Variants in ZNF354C observed in about 807,000 individuals in gnomAD.
ZNF354C encodes the protein zinc finger protein 354C, also known as KRAB-zinc finger protein synten.
A neutral mutation model predicts 12.4 loss-of-function variants in ZNF354C; 7 were observed. That is an observed-to-expected ratio of 0.56 (90% CI 0.32 to 1.06). The LOEUF is 1.06. ZNF354C is among the 50% of genes least tolerant of loss of function. The pLI, the probability that ZNF354C is intolerant of heterozygous loss-of-function variation, is 0.04. For missense variants in ZNF354C, 609 were observed against 658.0 expected (o/e 0.93, Z 0.81); for synonymous variants, 202 against 224.5 (o/e 0.90, Z 0.90).
Position 179,076,491 on chromosome 5 carries a change from AG to A in ZNF354C, c.75del (p.Glu25AspfsTer16). ...RDVAVFFSQD[E>X]WLHLDSAQRA... ...GTGGCCGTGTTCTTCAGCCAGGACG[AG>A]TGGTTGCACCTGGACTCTGCCCAGA... On this transcript the variant is annotated frameshift_variant, in exon 3 of 5. Transcript: ENST00000315475. LOFTEE classifies it high-confidence loss of function. 6.2e-7 allele frequency: 1 copy of A among 1,614,202 alleles called. No homozygotes were observed. The highest frequency in any genetic ancestry group is 2.2e-5 in the East Asian group (1 of 44,876).
Position 179,077,121 on chromosome 5 carries a change from GATCCC to G in ZNF354C, c.206_210del (p.Asp69ValfsTer20). The G allele has an allele frequency of 6.2e-7, 1 of 1,614,226 alleles. No homozygotes were observed. The highest frequency in any genetic ancestry group is 8.5e-7 in the Non-Finnish European group (1 of 1,180,040). ...GATTCATCAGTTGCAGCAAGGAGAA[GATCCC>G]TGCATGGTGGAAAGAGAAGTCCCTT... On this transcript the variant is annotated frameshift_variant, in exon 4 of 5. Transcript: ENST00000315475. LOFTEE classifies it low-confidence loss of function (END_TRUNC).
rs916308691 is a variant in ZNF354C, at chr5:179,062,005, T to G, written c.-54-10T>G. ...GCCAGGGTTCCTCTTGACACCTTTT[T>G]CCTCTGCAGACCCACCGTGTCCACA... On this transcript the variant is annotated splice_polypyrimidine_tract_variant and intron_variant, in intron 1 of 4. Coordinates refer to ENST00000315475, the MANE Select transcript of ZNF354C (RefSeq NM_014594.3). The G allele has an allele frequency of 6.3e-7, 1 of 1,594,116 alleles. No individual in the cohort carries two copies. The highest frequency in any genetic ancestry group is 8.6e-7 in the Non-Finnish European group (1 of 1,162,124).
Position 179,082,821 on chromosome 5 carries a change from G to A in ZNF354C, c.*2724G>A. ...CTTCAAGCGACTGACCAACCGATCA[G>A]GTCGAGGAGCTGCAACAGCCTTGGG... On this transcript the variant is annotated 3_prime_UTR_variant, in exon 5 of 5. Transcript: ENST00000315475. 1 of 1,312,790 alleles carries A rather than the reference G, an allele frequency of 7.6e-7. No homozygotes were observed. The highest frequency in any genetic ancestry group is 1.1e-6 in the Non-Finnish European group (1 of 906,506). The allele number at this position is 1,312,790 out of a possible 1,614,324, so 81.3% of individuals were successfully genotyped here. A position where few individuals can be genotyped will look rare whatever the true frequency, so the allele number is the denominator to read the frequency against.
At chr5:179,072,374 C>A (rs1762063301) in intron 2 of ZNF354C, among the ~76,000 whole-genome samples, 1 of 151,506 alleles carries the variant, frequency 6.6e-6, no homozygotes, top group Non-Finnish European at 1.5e-5. Context: ...GGTAGATTGA[C>A]AGAAATTATC....
intron 2 of ZNF354C, among the ~76,000 whole-genome samples, chr5:179,075,692 A>G (rs192888901): frequency 4.6e-5 from 7 of 152,266 alleles, no homozygotes; most frequent in Admixed American, 4.6e-4. Context: ...ACAAATATAG[A>G]TTCTTTTGTG....
At chr5:179,063,587 C>T (rs540814081) in intron 2 of ZNF354C, among the ~76,000 whole-genome samples, 25 of 152,310 alleles carry the variant, frequency 1.6e-4, no homozygotes, top group Non-Finnish European at 3.1e-4. Flanking sequence ...GTAGTAATTA[C>T]AAGCATATTT....
At chr5:179,064,455 C>A (rs531375135) in intron 2 of ZNF354C, among the ~76,000 whole-genome samples, 10 of 151,768 alleles carry the variant, frequency 6.6e-5, no homozygotes, top group Admixed American at 2.0e-4. Context: ...CTTGCTCAGT[C>A]GCCCAGGCTG....
intron 4 of ZNF354C, among the ~76,000 whole-genome samples, chr5:179,077,898 C>T (rs1383077521): frequency 1.3e-5 from 2 of 151,644 alleles, no homozygotes; most frequent in Admixed American, 6.6e-5. Flanking sequence ...CTCCACCTCC[C>T]AGGCTCAAGC....
chr5:179,075,050 A>C lies in ZNF354C; in HGVS notation c.28-1395A>C, dbSNP rs140010031. On this transcript the variant is annotated intron_variant, in intron 2 of 4. Coordinates refer to ENST00000315475, the MANE Select transcript of ZNF354C (RefSeq NM_014594.3). ...AGGCAGGAGGTGGATCATGAGGTCAAGAGATCAGACCATCCTGGCCAACAT... is the reference window on the plus strand; with the variant it reads ...AGGCAGGAGGTGGATCATGAGGTCACGAGATCAGACCATCCTGGCCAACAT... Among the ~76,000 whole-genome samples, 1,297 of 151,768 alleles carry C rather than the reference A, an allele frequency of 8.5e-3. 42 individuals are homozygous for C. Among genetic ancestry groups the C allele is most frequent in the East Asian group, 0.079 (406 of 5,126 alleles).
At chr5:179,075,983 T>C (rs1229848870) in intron 2 of ZNF354C, among the ~76,000 whole-genome samples, 1 of 152,274 alleles carries the variant, frequency 6.6e-6, no homozygotes, top group Non-Finnish European at 1.5e-5. Flanking sequence ...AATTCAGTTT[T>C]ACTGGCTTGA....
At chr5:179,061,442 T>C (rs890293839) in intron 1 of ZNF354C, among the ~76,000 whole-genome samples, 32 of 152,238 alleles carry the variant, frequency 2.1e-4, no homozygotes, top group African/African-American at 7.5e-4. Context: ...CTTAATCCTG[T>C]TACCTTGGGT....
intron 2 of ZNF354C, among the ~76,000 whole-genome samples, chr5:179,074,865 T>C (rs948159662): frequency 2.6e-5 from 4 of 152,228 alleles, no homozygotes; most frequent in African/African-American, 9.7e-5. Context: ...TGAAACGATA[T>C]ATTAGCTCTA....
chr5:179,078,276 A>G lies in ZNF354C; in HGVS notation c.251-407A>G, dbSNP rs186394084. Among the ~76,000 whole-genome samples the G allele has an allele frequency of 2.3e-4, 35 of 152,348 alleles. No homozygotes were observed. In the East Asian group the frequency reaches 6.2e-3, roughly 27 times the overall value. ...TGAAAGGGACATGTGAGTAAGAAGG[A>G]GAAGGTGGACAGGCTGCCTACTTCA... On this transcript the variant is annotated intron_variant, in intron 4 of 4. Transcript: ENST00000315475.
intron 3 of ZNF354C, 21 bp downstream of exon 3, chr5:179,076,592 C>T (rs147567522): frequency 3.4e-5 from 55 of 1,613,134 alleles, no homozygotes; most frequent in African/African-American, 1.6e-4. Flanking sequence ...TTGCCTATGA[C>T]GAAGAATCTG....
In ZNF354C at chr5:179,079,598, G is replaced by T. The variant is rs771712887; in HGVS notation, c.1166G>T (p.Cys389Phe). The T allele has an allele frequency of 1.2e-6, 2 of 1,614,182 alleles. No individual in the cohort carries two copies. Among genetic ancestry groups the T allele is most frequent in the Admixed American group, 3.3e-5 (2 of 60,026 alleles). Residue 389 changes from cysteine to phenylalanine, a missense_variant, in exon 5 of 5, where the codon TGT (cysteine) becomes TTT (phenylalanine). Coordinates refer to ENST00000315475, the MANE Select transcript of ZNF354C (RefSeq NM_014594.3). The surrounding 1 kb of genome is among the most constrained non-coding windows in gnomAD (Gnocchi z 4.2). ...GAACAACTGTATACATGCTTGGAAT[G>T]TGGGAGAACCTTCACACGTATTGTA... Reference protein sequence around the residue: ...TGEQLYTCLECGRTFTRIVTL... With the variant: ...TGEQLYTCLEFGRTFTRIVTL...
Position 179,080,156 on chromosome 5 carries a change from T to A in ZNF354C, c.*59T>A, listed in dbSNP as rs937691371. 38 of 1,247,224 alleles carry A rather than the reference T, an allele frequency of 3.0e-5. No homozygotes were observed. The highest frequency in any genetic ancestry group is 2.1e-4 in the Middle Eastern group (1 of 4,676). 77.3% of individuals were successfully genotyped at this position (1,247,224 alleles called of 1,614,324 possible). On this transcript the variant is annotated 3_prime_UTR_variant, in exon 5 of 5. Coordinates refer to ENST00000315475, the MANE Select transcript of ZNF354C (RefSeq NM_014594.3). Reference sequence around the variant, plus strand: ...GGGAATAAGGGAATAATAAATAGGGTACAAACTCCTAATAGATTTGTCTTT... The same window carrying A: ...GGGAATAAGGGAATAATAAATAGGGAACAAACTCCTAATAGATTTGTCTTT...
At chr5:179,074,977 G>T (rs1347187312) in intron 2 of ZNF354C, among the ~76,000 whole-genome samples, 1 of 152,146 alleles carries the variant, frequency 6.6e-6, no homozygotes, top group Non-Finnish European at 1.5e-5. Context: ...GTTAAAATAG[G>T]CCAAGTGTAG....
intron 1 of ZNF354C, 133 bp from the exon 2 acceptor site, chr5:179,061,882 A>T: frequency 1.5e-6 from 1 of 677,448 alleles, no homozygotes; most frequent in African/African-American, 1.8e-5. Flanking sequence ...ACTAGTAAAC[A>T]CTCTTCTTGC....
In ZNF354C at chr5:179,065,076, AT is replaced by A. The variant is rs535933521; in HGVS notation, c.27+2989del. On this transcript the variant is annotated intron_variant, in intron 2 of 4. Coordinates refer to ENST00000315475, the MANE Select transcript of ZNF354C (RefSeq NM_014594.3). ...AGTATTTTTAAAAAGAATAATCTTT[AT>A]TTTTTTTACAACAATTTTAGACGAG... Among the ~76,000 whole-genome samples, 22 of 151,954 alleles carry A rather than the reference AT, an allele frequency of 1.4e-4. No individual in the cohort carries two copies. The South Asian group carries it at 1.5e-3, about 10-fold the overall frequency.
Sources: gnomAD v4.1 joint callset for allele counts (sites outside exome capture counted in the v4.1 genomes callset) on GRCh38, gnomAD v4.1.1 for gene constraint, Gnocchi (gnomAD v3.1) non-coding constraint, MANE v1.5 for transcripts, NCBI Gene and HGNC (gene_info 2026-07-23, HGNC 2026-07-21) for gene names.